Variants in FREM1 observed in about 807,000 individuals in gnomAD.
FREM1 encodes the protein FRAS1 related extracellular matrix 1, also known as FRAS1-related extracellular matrix protein 1.
Under a neutral mutation model 210.1 loss-of-function variants are expected in FREM1, and 220 were observed. The observed-to-expected ratio is 1.05, with a 90% confidence interval of 0.94 to 1.17. The LOEUF (loss-of-function observed/expected upper bound fraction) is 1.17. FREM1 is among the 50% of genes most tolerant of loss of function. The pLI is 0.00. For missense variants in FREM1, 3,454 were observed against 2,675.5 expected (o/e 1.29, Z -6.42); for synonymous variants, 1,189 against 980.2 (o/e 1.21, Z -3.98).
chr9:14,766,926 C>T (rs142844923), intron 27 of FREM1, among the ~76,000 whole-genome samples: 91 of 152,240 alleles, frequency 6.0e-4, no homozygotes, highest in East Asian at 1.9e-3. Flanking sequence ...CAAATGTTTC[C>T]GGGATACTTC....
intron 27 of FREM1, 56 bp from the exon 28 acceptor site, chr9:14,759,957 A>T: frequency 6.9e-7 from 1 of 1,451,154 alleles, no homozygotes; most frequent in Non-Finnish European, 9.3e-7. Flanking sequence ...GCCTATAGGG[A>T]TTCTCTGCTG....
chr9:14,885,682 A>G (rs1436609631), intron 1 of FREM1, among the ~76,000 whole-genome samples: 3 of 152,024 alleles, frequency 2.0e-5, no homozygotes, highest in East Asian at 3.9e-4. Flanking sequence ...TTAGCCTCCC[A>G]AAGTTCTGGG....
chr9:14,739,463 TATATATATATATA>T (rs1288243495), intron 36 of FREM1, among the ~76,000 whole-genome samples: 2,416 of 138,306 alleles, frequency 0.017, 86 homozygotes, highest in African/African-American at 0.061. Flanking sequence ...TATATATATA[TATATATATATATA>T]ATTCATATAT....
chr9:14,803,075 C>G (rs547548714), intron 19 of FREM1, among the ~76,000 whole-genome samples: 12 of 126,200 alleles, frequency 9.5e-5, no homozygotes, highest in Admixed American at 4.4e-4. Flanking sequence ...CTTTCTTTCT[C>G]TTTCCTTCCT....
chr9:14,824,112 G>C lies in FREM1; in HGVS notation c.2082C>G (p.His694Gln). 2 of 1,568,626 alleles carry C rather than the reference G, an allele frequency of 1.3e-6. No homozygotes were observed. Among genetic ancestry groups the C allele is most frequent in the Non-Finnish European group, 1.7e-6 (2 of 1,152,912 alleles). ...TPPFFSFSHR[H>Q]LDAGKLFMVD... The stretch of plus-strand genomic sequence containing the variant: ...CCATAAATAATTTCCCAGCATCCAA[G>C]TGTCTAAAGAGAAATACAGAGGAGC... The change falls in exon 12 of 37, where the codon CAC (histidine) becomes CAG (glutamine). Residue 694 changes from histidine to glutamine, a missense_variant. Coordinates refer to ENST00000380880, the MANE Select transcript of FREM1 (RefSeq NM_001379081.2).
chr9:14,797,660 A>C lies in FREM1; in HGVS notation c.3695-18T>G. 14 of 1,600,612 alleles carry C rather than the reference A, an allele frequency of 8.7e-6. No individual in the cohort carries two copies. Among genetic ancestry groups the C allele is most frequent in the Non-Finnish European group, 1.2e-5 (14 of 1,171,912 alleles). ...CCTCATTCCTGGAAGAAGGAAAAAA[A>C]ATAAGTAAATCTTCCTTATGATTGA... On this transcript the variant is annotated intron_variant, in intron 20 of 36. Transcript: ENST00000380880.
intron 25 of FREM1, 36 bp from the exon 26 acceptor site, chr9:14,770,842 A>T (rs1391508377): frequency 6.6e-7 from 1 of 1,511,418 alleles, no homozygotes. Flanking sequence ...TGTTGTCCAA[A>T]GGCCCCTCAC....
intron 1 of FREM1, among the ~76,000 whole-genome samples, chr9:14,872,592 T>C (rs1220839094): frequency 6.6e-6 from 1 of 152,140 alleles, no homozygotes; most frequent in South Asian, 2.1e-4. Flanking sequence ...GTTTTCTAGA[T>C]ATACAATCAT....
intron 10 of FREM1, among the ~76,000 whole-genome samples, chr9:14,837,265 C>G (rs1424415923): frequency 6.6e-6 from 1 of 152,128 alleles, no homozygotes; most frequent in Admixed American, 6.5e-5. Context: ...AATCAGACAC[C>G]ACCTCCTCCA....
intron 21 of FREM1, among the ~76,000 whole-genome samples, 179 bp from the exon 22 acceptor site, chr9:14,793,063 A>C (rs1174417907): frequency 6.6e-6 from 1 of 152,242 alleles, no homozygotes; most frequent in Admixed American, 6.5e-5. Flanking sequence ...CTCACACGTG[A>C]AAGTCTGAAA....
In FREM1 at chr9:14,813,073, T is replaced by A. The variant is rs760643794; in HGVS notation, c.2641-9A>T. 1.3e-6 allele frequency: 2 copies of A among 1,585,542 alleles called. No individual in the cohort carries two copies. The highest frequency in any genetic ancestry group is 1.7e-6 in the Non-Finnish European group (2 of 1,163,298). On this transcript the variant is annotated splice_polypyrimidine_tract_variant and intron_variant, in intron 15 of 36. Coordinates refer to ENST00000380880, the MANE Select transcript of FREM1 (RefSeq NM_001379081.2). Reference sequence around the variant, plus strand: ...TCGTTGACAGGGAATACCTAGGCAATGGAAAAAATGCATGTTTTCAGAAAA... The same window carrying A: ...TCGTTGACAGGGAATACCTAGGCAAAGGAAAAAATGCATGTTTTCAGAAAA...
chr9:14,840,511 T>C (rs1016323325), intron 10 of FREM1, among the ~76,000 whole-genome samples: 1 of 152,184 alleles, frequency 6.6e-6, no homozygotes, highest in Non-Finnish European at 1.5e-5. Context: ...CGCAAGCTTG[T>C]ACAGGGGACC....
intron 20 of FREM1, among the ~76,000 whole-genome samples, chr9:14,799,753 G>A (rs1853162023): frequency 6.6e-6 from 1 of 151,654 alleles, no homozygotes; most frequent in Non-Finnish European, 1.5e-5. Context: ...GTATTTCTTT[G>A]CAATTGATAA....
At chr9:14,859,095 G>C in intron 4 of FREM1, 88 bp downstream of exon 4, 1 of 1,104,520 alleles carries the variant, frequency 9.1e-7, no homozygotes, top group Non-Finnish European at 1.3e-6. Flanking sequence ...TAGTTAACTA[G>C]AACTCTTCAT....
chr9:14,779,481 C>A (rs975618851), intron 24 of FREM1: 1 of 985,284 alleles, frequency 1.0e-6, no homozygotes, highest in African/African-American at 1.7e-5. Flanking sequence ...CCAGGGACTC[C>A]ATCAGAGGCG....
chr9:14,910,149 A>C lies in FREM1; in HGVS notation c.-503T>G, dbSNP rs1440384128. 1 of 152,280 alleles carries C rather than the reference A, an allele frequency of 6.6e-6. No individual in the cohort carries two copies. 9.4% of individuals were successfully genotyped at this position (152,280 alleles called of 1,614,324 possible). The stretch of plus-strand genomic sequence containing the variant: ...CACAGAAAATACAGAATTGAAGTTC[A>C]CATACACACTCCACTTTCTTTGCTG... On this transcript the variant is annotated 5_prime_UTR_variant, in exon 1 of 37. The change abolishes the stop of an existing upstream ORF in the 5' untranslated region. Transcript: ENST00000380880.
At chr9:14,819,526 C>A in intron 13 of FREM1, 84 bp from the exon 14 acceptor site, 1 of 720,664 alleles carries the variant, frequency 1.4e-6, no homozygotes, top group Non-Finnish European at 2.3e-6. Flanking sequence ...TGTAAAACTT[C>A]CAGTATTATC....
chr9:14,907,788 A>T (rs1157113858), intron 1 of FREM1, among the ~76,000 whole-genome samples: 1 of 152,256 alleles, frequency 6.6e-6, no homozygotes, highest in Non-Finnish European at 1.5e-5. Context: ...CTCATAGCCC[A>T]TATCTGTGTT....
At chr9:14,905,621 G>C (rs1817551740) in intron 1 of FREM1, among the ~76,000 whole-genome samples, 1 of 152,216 alleles carries the variant, frequency 6.6e-6, no homozygotes, top group Non-Finnish European at 1.5e-5. Flanking sequence ...GGGGGCAGTG[G>C]CTCACGCCTA....
Sources: gnomAD v4.1 joint callset for allele counts (sites outside exome capture counted in the v4.1 genomes callset) on GRCh38, gnomAD v4.1.1 for gene constraint, MANE v1.5 for transcripts, NCBI Gene and HGNC (gene_info 2026-07-23, HGNC 2026-07-21) for gene names.